The following SMOC2 variants were observed in gnomAD, a reference collection of about 807,000 sequenced individuals.
The protein encoded by SMOC2 is SPARC related modular calcium binding 2.
Under a neutral mutation model 61.4 loss-of-function variants are expected in SMOC2, and 39 were observed. That is an observed-to-expected ratio of 0.64 (90% CI 0.49 to 0.83). The LOEUF (loss-of-function observed/expected upper bound fraction) is 0.83. Ranked by LOEUF, SMOC2 falls within the 40% of genes least tolerant of loss-of-function variation. SMOC2 has a pLI of 0.00. For missense variants in SMOC2, 556 were observed against 592.9 expected (o/e 0.94, Z 0.65); for synonymous variants, 247 against 239.9 (o/e 1.03, Z -0.27).
chr6:168,579,829 T>C (rs1372954390), intron 7 of SMOC2, among the ~76,000 whole-genome samples: 1 of 152,098 alleles, frequency 6.6e-6, no homozygotes, highest in Admixed American at 6.5e-5. Context: ...AAACTTAGGC[T>C]AAATGAGTCT....
rs1021648979 is a variant in SMOC2 at position 168,475,405 on chromosome 6, G to A, written c.84+33951G>A. ...ATGTCCCAGGCACAGGTGGAAACAC[G>A]TGGTGCGTACAACCTTGCTCAATCC... On this transcript the variant is annotated intron_variant, in intron 1 of 12. Transcript: ENST00000356284. This position sits in a 1 kb window ranked among gnomAD's most constrained non-coding sequence, Gnocchi z 4.6. Among the ~76,000 whole-genome samples the A allele has an allele frequency of 2.2e-4, 33 of 152,126 alleles. 1 individual carries two copies. The highest frequency in any genetic ancestry group is 6.2e-4 in the South Asian group (3 of 4,832).
intron 7 of SMOC2, among the ~76,000 whole-genome samples, chr6:168,573,053 CCCCGGG>C (rs1562356248): frequency 3.0e-5 from 3 of 99,544 alleles, no homozygotes; most frequent in Non-Finnish European, 5.7e-5. Flanking sequence ...CTCCCCGCAT[CCCCGGG>C]TGCGGGGACC....
At chr6:168,479,891 C>G (rs1229874777) in intron 1 of SMOC2, among the ~76,000 whole-genome samples, 2 of 152,240 alleles carry the variant, frequency 1.3e-5, no homozygotes, top group Admixed American at 6.5e-5. Context: ...ACCCAAAACC[C>G]TTTATTTTAC....
chr6:168,515,281 G>A (rs1783102231), intron 2 of SMOC2, among the ~76,000 whole-genome samples: 2 of 152,200 alleles, frequency 1.3e-5, no homozygotes, highest in Non-Finnish European at 2.9e-5. Flanking sequence ...ACAGACACCT[G>A]TAGTCTTCAG....
At chr6:168,665,689 G>A (rs896797812) in intron 12 of SMOC2, among the ~76,000 whole-genome samples, 2 of 152,188 alleles carry the variant, frequency 1.3e-5, no homozygotes, top group Non-Finnish European at 2.9e-5. Flanking sequence ...ATACTTTGAC[G>A]GGTTGTCTTT....
At chr6:168,575,345 T>G (rs1303233081) in intron 7 of SMOC2, among the ~76,000 whole-genome samples, 1 of 152,244 alleles carries the variant, frequency 6.6e-6, no homozygotes, top group Non-Finnish European at 1.5e-5. Flanking sequence ...GACTTCTTTC[T>G]AAGCCCTATA....
intron 9 of SMOC2, among the ~76,000 whole-genome samples, chr6:168,612,106 T>G (rs971712541): frequency 2.0e-5 from 3 of 152,194 alleles, no homozygotes; most frequent in Non-Finnish European, 4.4e-5. Context: ...AGCCATGTGG[T>G]TTTGCTTATC....
At chr6:168,510,169 CT>C (rs1276657629) in intron 2 of SMOC2, 83 bp downstream of exon 2, 1 of 1,407,896 alleles carries the variant, frequency 7.1e-7, no homozygotes, top group African/African-American at 1.4e-5. Context: ...TACTTGATAA[CT>C]TTTTACATTT....
At chr6:168,660,115 C>T (rs1787471516) in intron 11 of SMOC2, among the ~76,000 whole-genome samples, 1 of 148,516 alleles carries the variant, frequency 6.7e-6, no homozygotes, top group Non-Finnish European at 1.5e-5. Flanking sequence ...AGAGGGCAGC[C>T]TCTTCAGCCT....
intron 1 of SMOC2, among the ~76,000 whole-genome samples, chr6:168,471,306 T>C (rs2115013708): frequency 6.6e-6 from 1 of 152,352 alleles, no homozygotes; most frequent in Non-Finnish European, 1.5e-5. Flanking sequence ...TTAATTCTGC[T>C]CTAAGTACCT....
At chr6:168,620,728 G>T (rs1399757278) in intron 9 of SMOC2, among the ~76,000 whole-genome samples, 1 of 152,146 alleles carries the variant, frequency 6.6e-6, no homozygotes, top group African/African-American at 2.4e-5. Flanking sequence ...TTCTGCAGGA[G>T]AAATTAATTC....
intron 1 of SMOC2, among the ~76,000 whole-genome samples, chr6:168,495,436 A>G (rs985395566): frequency 6.6e-6 from 1 of 152,110 alleles, no homozygotes; most frequent in Non-Finnish European, 1.5e-5. Flanking sequence ...TTTCCTTGGG[A>G]ACCTGAGTTT....
intron 9 of SMOC2, among the ~76,000 whole-genome samples, chr6:168,619,555 A>T (rs576358567): frequency 6.6e-6 from 1 of 152,368 alleles, no homozygotes; most frequent in South Asian, 2.1e-4. Context: ...ACACTTAAAA[A>T]TAACAAGTAT....
chr6:168,569,334 A>G (rs1267716854), intron 7 of SMOC2, among the ~76,000 whole-genome samples: 1 of 152,206 alleles, frequency 6.6e-6, no homozygotes, highest in Non-Finnish European at 1.5e-5. Flanking sequence ...CTTCTTTGAT[A>G]GGGTGTCGGT....
chr6:168,495,849 G>A (rs893007475), intron 1 of SMOC2, among the ~76,000 whole-genome samples: 6 of 152,172 alleles, frequency 3.9e-5, no homozygotes, highest in African/African-American at 7.2e-5. Flanking sequence ...CCACCTGCAC[G>A]GTTCACCCAC....
At chr6:168,576,743 A>G (rs2115151512) in intron 7 of SMOC2, among the ~76,000 whole-genome samples, 1 of 152,180 alleles carries the variant, frequency 6.6e-6, no homozygotes, top group African/African-American at 2.4e-5. Flanking sequence ...GCAGAAGCAA[A>G]GTAGAAGGAA....
intron 7 of SMOC2, among the ~76,000 whole-genome samples, chr6:168,579,312 T>C (rs1784874526): frequency 6.6e-6 from 1 of 152,262 alleles, no homozygotes; most frequent in Non-Finnish European, 1.5e-5. Context: ...TGTTAAAAAG[T>C]GGCCCCCTCT....
intron 7 of SMOC2, among the ~76,000 whole-genome samples, chr6:168,551,962 A>T (rs537230086): frequency 3.8e-4 from 58 of 152,328 alleles, no homozygotes; most frequent in African/African-American, 1.3e-3. Flanking sequence ...ACTGAAAATA[A>T]TGTTTTAGGA....
intron 9 of SMOC2, among the ~76,000 whole-genome samples, chr6:168,619,102 C>T (rs887472996): frequency 2.0e-5 from 3 of 152,134 alleles, no homozygotes; most frequent in South Asian, 2.1e-4. Context: ...CGCCGGTGAC[C>T]GCAACAGCAC....
Sources: allele counts gnomAD v4.1 joint callset (sites outside exome capture counted in the v4.1 genomes callset), GRCh38; gene constraint gnomAD v4.1.1; non-coding constraint Gnocchi (gnomAD v3.1); transcripts MANE v1.5; gene names NCBI Gene and HGNC (gene_info 2026-07-23, HGNC 2026-07-21).